Variants in ABCA1 observed in about 807,000 individuals in gnomAD.
ABCA1 encodes ATP binding cassette subfamily A member 1.
ABCA1 carries 133 observed loss-of-function variants against 262.5 expected under a neutral mutation model. The ratio of observed to expected loss-of-function variants is 0.51; its 90% CI spans 0.44 to 0.59. ABCA1 has a LOEUF of 0.59. Among genes scored for constraint, ABCA1 ranks in the 20% least tolerant of loss-of-function variants. The pLI, the probability that ABCA1 is intolerant of heterozygous loss-of-function variation, is 0.00. For synonymous variants in ABCA1, 1,022 were observed against 1,043.5 expected, an observed-to-expected ratio of 0.98 and a Z score of 0.40; for missense variants, 2,452 against 2,777.5, an observed-to-expected ratio of 0.88 and a Z score of 2.63.
At chr9:104,883,430 C>T (rs567267197) in intron 4 of ABCA1, among the ~76,000 whole-genome samples, 1 of 152,262 alleles carries the variant, frequency 6.6e-6, no homozygotes, top group Non-Finnish European at 1.5e-5. Flanking sequence ...TGCATGTGCA[C>T]ACACATGCAT....
chr9:104,901,332 C>T (rs1012441360), intron 2 of ABCA1, among the ~76,000 whole-genome samples: 3 of 152,160 alleles, frequency 2.0e-5, no homozygotes. Flanking sequence ...CAAGAAATCC[C>T]TTCCCTGCTT....
In ABCA1 at chr9:104,831,656, C is replaced by T. The variant is rs1833337149; in HGVS notation, c.1681G>A (p.Asp561Asn). 1 of 1,614,082 alleles carries T rather than the reference C, an allele frequency of 6.2e-7. No individual in the cohort carries two copies. The highest frequency in any genetic ancestry group is 1.3e-5 in the African/African-American group (1 of 74,932). The change falls in exon 13 of 50, where the codon GAC becomes AAC. Residue 561 changes from aspartate to asparagine, a missense_variant. Physicochemically the swap from Asp to Asn is conservative, Grantham distance 23 (BLOSUM62 1). This residue lies in a region of ABCA1 where 1,032 missense variants were observed against 1,089.7 expected (regional missense o/e 0.95). Coordinates refer to ENST00000374736, the MANE Select transcript of ABCA1 (RefSeq NM_005502.4). ...HVKYKIRMDI[D>N]NVERTNKIKD... ...ATTTTATTTGTCCTCTCCACATTGTCAATGTCCATTCGGATCTTGTACTTG... is the reference window on the plus strand; with the variant it reads ...ATTTTATTTGTCCTCTCCACATTGTTAATGTCCATTCGGATCTTGTACTTG...
intron 1 of ABCA1, among the ~76,000 whole-genome samples, chr9:104,923,948 A>C (rs560968957): frequency 6.6e-6 from 1 of 152,294 alleles, no homozygotes; most frequent in African/African-American, 2.4e-5. Context: ...AGGCTGATGT[A>C]TGAGGATCAC....
At chr9:104,851,681 G>A (rs928514705) in intron 7 of ABCA1, among the ~76,000 whole-genome samples, 5 of 152,128 alleles carry the variant, frequency 3.3e-5, no homozygotes, top group African/African-American at 7.2e-5. Flanking sequence ...TGCTCTATAC[G>A]GCAGCTGCTC....
intron 35 of ABCA1, 118 bp from the exon 36 acceptor site, chr9:104,800,106 G>T (rs1325929616): frequency 9.2e-7 from 1 of 1,085,556 alleles, no homozygotes; most frequent in Admixed American, 1.8e-5. Context: ...ACATACCAAG[G>T]CAAAACACTA....
At chr9:104,831,857 T>C (rs1312327904) in intron 12 of ABCA1, 30 bp from the exon 13 acceptor site, 8 of 1,610,084 alleles carry the variant, frequency 5.0e-6, no homozygotes, top group South Asian at 4.4e-5. Context: ...CATGAGAACG[T>C]TGGCAGCCAG....
intron 41 of ABCA1, 37 bp from the exon 42 acceptor site, chr9:104,792,943 C>A: frequency 1.2e-6 from 2 of 1,613,204 alleles, no homozygotes; most frequent in South Asian, 2.2e-5. Context: ...ACCTTTCAAA[C>A]TATTTTTCAG....
Position 104,814,102 on chromosome 9 carries a change from T to C in ABCA1, c.3901+16A>G. On this transcript the variant is annotated intron_variant, in intron 27 of 49. Transcript: ENST00000374736. ...ATTCAAACAGTAGGACACTGTTTGA[T>C]CTTGCCCTAACAGACCTGGGTCTAT... 2.5e-6 allele frequency: 4 copies of C among 1,611,342 alleles called. No homozygotes were observed. In the East Asian group the frequency reaches 8.9e-5, roughly 36 times the overall value.
At chr9:104,847,848 T>A (rs187689151) in intron 7 of ABCA1, among the ~76,000 whole-genome samples, 61 of 152,376 alleles carry the variant, frequency 4.0e-4, no homozygotes, top group Non-Finnish European at 7.9e-4. Flanking sequence ...GAAATATACA[T>A]GATATGCATA....
rs374953977 is a variant in ABCA1 at position 104,836,980 on chromosome 9, C to T, written c.1311G>A (p.Arg437=). 6.2e-6 allele frequency: 10 copies of T among 1,612,446 alleles called. No homozygotes were observed. In the African/African-American group the frequency reaches 1.3e-4, roughly 22 times the overall value. ...MENSQEMDLV[R]MLLDSRDNDH... is the part of the protein sequence containing the mutation. ...TGGTAATAATGGGAGGGACACTCAC[C>T]CGGACAAGGTCCATTTCTTGGCTGT... The change falls in exon 11 of 50, where the codon CGG becomes CGA. Residue 437 remains arginine (R), a splice_region_variant and synonymous_variant. Coordinates refer to ENST00000374736, the MANE Select transcript of ABCA1 (RefSeq NM_005502.4).
Position 104,821,477 on chromosome 9 carries a change from G to A in ABCA1, c.2858C>T (p.Thr953Ile). The change falls in exon 20 of 50, where the codon ACC (threonine) becomes ATC (isoleucine). Residue 953 changes from threonine (T) to isoleucine (I), a missense_variant. Physicochemically the swap from Thr to Ile is moderately conservative, Grantham distance 89 (BLOSUM62 -1). Transcript: ENST00000374736. ...TCCCAGGATGTAGGCGGTGCCCGAG[G>A]TCGGGGGGAACAACCCGGTCAGGAT... ...MSILTGLFPPTSGTAYILGKD... is the reference protein window; with the variant it reads ...MSILTGLFPPISGTAYILGKD... 2 of 1,614,070 alleles carry A rather than the reference G, an allele frequency of 1.2e-6. No individual in the cohort carries two copies. Among genetic ancestry groups the A allele is most frequent in the Non-Finnish European group, 1.7e-6 (2 of 1,180,032 alleles).
chr9:104,807,104 C>T (rs563355128), intron 30 of ABCA1, among the ~76,000 whole-genome samples: 4 of 152,120 alleles, frequency 2.6e-5, no homozygotes, highest in East Asian at 3.9e-4. Context: ...GGATAAGCTA[C>T]GAAGAAGAGT....
At chr9:104,898,650 T>C (rs1450810369) in intron 2 of ABCA1, among the ~76,000 whole-genome samples, 1 of 152,144 alleles carries the variant, frequency 6.6e-6, no homozygotes, top group Non-Finnish European at 1.5e-5. Flanking sequence ...GATCTGGTCA[T>C]GTCTACTACC....
intron 49 of ABCA1, 81 bp from the exon 50 acceptor site, chr9:104,784,536 T>G: frequency 6.5e-7 from 1 of 1,547,662 alleles, no homozygotes; most frequent in Non-Finnish European, 8.9e-7. Context: ...TTCCAGATGT[T>G]GAAATTAGGT....
Position 104,882,028 on chromosome 9 carries a change from T to TAAAAAAAAAAAAAAAAAAAAAAAAAAAA in ABCA1, c.421+983_421+1010dup, listed in dbSNP as rs557626075. Among the ~76,000 whole-genome samples, 22 of 73,752 alleles carry TAAAAAAAAAAAAAAAAAAAAAAAAAAAA rather than the reference T, an allele frequency of 3.0e-4. 1 individual carries two copies. The highest frequency in any genetic ancestry group is 5.6e-4 in the East Asian group (1 of 1,780). 48.4% of individuals were successfully genotyped at this position (73,752 alleles called of 152,430 possible). On this transcript the variant is annotated intron_variant, in intron 5 of 49. Transcript: ENST00000374736. ...CAAGGAAAGCACAGTTCTGTAGCCT[T>TAAAAAAAAAAAAAAAAAAAAAAAAAAAA]AAAAAAAAAAAAAAAAAAAAAAAAA...
Position 104,832,582 on chromosome 9 carries a change from A to G in ABCA1, c.1501T>C (p.Phe501Leu). The G allele has an allele frequency of 6.2e-7, 1 of 1,614,224 alleles. No homozygotes were observed. The highest frequency in any genetic ancestry group is 8.5e-7 in the Non-Finnish European group (1 of 1,180,036). The change falls in exon 12 of 50, where the codon TTC becomes CTC. Residue 501 changes from phenylalanine to leucine, a missense_variant. Physicochemically the swap from Phe to Leu is conservative, Grantham distance 22 (BLOSUM62 0). Around this residue, in one of 4 missense-constraint regions of ABCA1, gnomAD observed 1,032 missense variants for 1,089.7 expected, o/e 0.95. Transcript: ENST00000374736. ...TNQAIRTISR[F>L]MECVNLNKLE... The stretch of plus-strand genomic sequence containing the variant: ...CCCAGCAACAGATTCACCTCCATGA[A>G]GCGAGATATGGTCCGGATTGCCTGG...
At chr9:104,883,438 C>T (rs765089252) in intron 4 of ABCA1, among the ~76,000 whole-genome samples, 1 of 152,204 alleles carries the variant, frequency 6.6e-6, no homozygotes, top group Non-Finnish European at 1.5e-5. Flanking sequence ...CACACACATG[C>T]ATGCACACAC....
At chr9:104,912,173 A>C (rs1841538564) in intron 1 of ABCA1, among the ~76,000 whole-genome samples, 1 of 152,240 alleles carries the variant, frequency 6.6e-6, no homozygotes, top group Non-Finnish European at 1.5e-5. Flanking sequence ...AAATCTATGA[A>C]TATTGTACAA....
intron 15 of ABCA1, among the ~76,000 whole-genome samples, chr9:104,828,375 G>A (rs1320128997): frequency 6.6e-6 from 1 of 152,190 alleles, no homozygotes. Context: ...ATTCTCTAGA[G>A]TGCCCCACGG....
Sources: gnomAD v4.1 joint callset for allele counts (sites outside exome capture counted in the v4.1 genomes callset) on GRCh38, gnomAD v4.1.1 for gene constraint, gnomAD v4.1.1 regional missense constraint, MANE v1.5 for transcripts, NCBI Gene and HGNC (gene_info 2026-07-23, HGNC 2026-07-21) for gene names.